The following PLCB1 variants were observed in gnomAD, a reference collection of about 807,000 sequenced individuals.
PLCB1 encodes 1-phosphatidylinositol 4,5-bisphosphate phosphodiesterase beta-1.
Under a neutral mutation model 161.8 loss-of-function variants are expected in PLCB1, and 46 were observed. The ratio of observed to expected loss-of-function variants is 0.28; its 90% CI spans 0.22 to 0.36. The LOEUF is 0.36. Among genes scored for constraint, PLCB1 ranks in the 10% least tolerant of loss-of-function variants. PLCB1 has a pLI of 1.00. For synonymous variants in PLCB1, 517 were observed against 503.7 expected (o/e 1.03, Z -0.35); for missense variants, 1,016 against 1,472.5 (o/e 0.69, Z 5.07).
chr20:8,819,169 C>A (rs1212544911), intron 31 of PLCB1, among the ~76,000 whole-genome samples: 1 of 152,114 alleles, frequency 6.6e-6, no homozygotes, highest in Non-Finnish European at 1.5e-5. Context: ...GGGATACTGG[C>A]AGCTTTAACA....
At chr20:8,670,748 G>C (rs1291442173) in intron 9 of PLCB1, among the ~76,000 whole-genome samples, 1 of 152,192 alleles carries the variant, frequency 6.6e-6, no homozygotes, top group Non-Finnish European at 1.5e-5. Flanking sequence ...GAAAGTTTGT[G>C]CCCGGGCAAA....
rs531663143 is a variant in PLCB1 at position 8,331,349 on chromosome 20, GT to G, written c.178-40018del. On this transcript the variant is annotated intron_variant, in intron 2 of 31. Coordinates refer to ENST00000338037, the MANE Select transcript of PLCB1 (RefSeq NM_015192.4). ...AAGAATGAGATTCAATACGTGTGAA[GT>G]TTTTTTTTTTTTTTCTATGTTCAAA... Among the ~76,000 whole-genome samples the G allele has an allele frequency of 3.2e-3, 463 of 144,414 alleles. 2 individuals carry two copies. The highest frequency in any genetic ancestry group is 6.5e-3 in the East Asian group (32 of 4,904). 94.7% of individuals were successfully genotyped at this position (144,414 alleles called of 152,430 possible).
chr20:8,501,864 CATAT>C (rs36226867), intron 3 of PLCB1, among the ~76,000 whole-genome samples: 324 of 104,156 alleles, frequency 3.1e-3, no homozygotes, highest in Non-Finnish European at 4.0e-3. Flanking sequence ...AGATATATCG[CATAT>C]ATATATATAT....
chr20:8,650,169 T>G (rs537376231), intron 7 of PLCB1, among the ~76,000 whole-genome samples: 1 of 152,160 alleles, frequency 6.6e-6, no homozygotes, highest in Non-Finnish European at 1.5e-5. Flanking sequence ...CCCTTCTTGA[T>G]GTTTTTTTTA....
chr20:8,231,342 C>T (rs969316905), intron 2 of PLCB1, among the ~76,000 whole-genome samples: 6 of 152,190 alleles, frequency 3.9e-5, no homozygotes, highest in Non-Finnish European at 8.8e-5. Flanking sequence ...AACCTCTACT[C>T]ACTGGATGTC....
At chr20:8,624,964 T>C (rs996578525) in intron 3 of PLCB1, among the ~76,000 whole-genome samples, 20 of 152,202 alleles carry the variant, frequency 1.3e-4, no homozygotes, top group Non-Finnish European at 1.0e-4. Context: ...TAAATCCTTC[T>C]CTGGAAACTT....
intron 3 of PLCB1, among the ~76,000 whole-genome samples, chr20:8,525,196 G>A (rs1377727224): frequency 6.6e-6 from 1 of 151,942 alleles, no homozygotes; most frequent in African/African-American, 2.4e-5. Context: ...TTGAAGGGCA[G>A]TGGATAGAGA....
At chr20:8,537,498 C>G (rs1472101730) in intron 3 of PLCB1, among the ~76,000 whole-genome samples, 2 of 151,898 alleles carry the variant, frequency 1.3e-5, no homozygotes, top group Non-Finnish European at 2.9e-5. Context: ...TGGCTGTGAC[C>G]AATTATTATT....
chr20:8,774,471 G>A, intron 26 of PLCB1, 68 bp from the exon 27 acceptor site: 1 of 1,413,918 alleles, frequency 7.1e-7, no homozygotes, highest in Admixed American at 2.1e-5. Context: ...AGGAATTCTG[G>A]TGAATAACCT....
At chr20:8,509,238 C>G (rs73894562) in intron 3 of PLCB1, among the ~76,000 whole-genome samples, 16 of 152,042 alleles carry the variant, frequency 1.1e-4, no homozygotes, top group East Asian at 3.9e-4. Context: ...AGTGACCCCC[C>G]ACAAGTTCCT....
intron 2 of PLCB1, among the ~76,000 whole-genome samples, chr20:8,226,765 G>A (rs1281770606): frequency 6.6e-6 from 1 of 150,860 alleles, no homozygotes. Context: ...TCGGCTCACT[G>A]CAACCTCCAC....
chr20:8,521,096 G>A (rs1270471636), intron 3 of PLCB1, among the ~76,000 whole-genome samples: 1 of 152,204 alleles, frequency 6.6e-6, no homozygotes, highest in East Asian at 1.9e-4. Context: ...AAAAAGAAAA[G>A]GCTAATTATA....
intron 14 of PLCB1, among the ~76,000 whole-genome samples, chr20:8,719,548 C>T (rs991250903): frequency 3.3e-5 from 5 of 152,100 alleles, no homozygotes; most frequent in African/African-American, 7.2e-5. Context: ...AAGTCAGGTA[C>T]ACAAAAACTA....
chr20:8,615,597 T>C (rs1374215694), intron 3 of PLCB1, among the ~76,000 whole-genome samples: 2 of 152,186 alleles, frequency 1.3e-5, no homozygotes, highest in Non-Finnish European at 2.9e-5. Context: ...ATGAACATAC[T>C]TTATTTGGCT....
rs781252045 is a variant in PLCB1 at position 8,757,112 on chromosome 20, G to A, written c.2590G>A (p.Val864Met). ...GAGAACGACTCCAGCAGAAAATGGG[G>A]TGAATCACACTACAACCCTGACACC... ...EARTTPAENG[V>M]NHTTTLTPKP... Residue 864 changes from valine to methionine, a missense_variant, in exon 24 of 32, where the codon GTG becomes ATG. Coordinates refer to ENST00000338037, the MANE Select transcript of PLCB1 (RefSeq NM_015192.4). The A allele has an allele frequency of 8.1e-6, 13 of 1,613,380 alleles. No homozygotes were observed. The African/African-American group carries it at 1.5e-4, about 18-fold the overall frequency.
At chr20:8,395,440 T>G (rs1228056925) in intron 3 of PLCB1, among the ~76,000 whole-genome samples, 1 of 152,040 alleles carries the variant, frequency 6.6e-6, no homozygotes, top group African/African-American at 2.4e-5. Context: ...GTCCTACACA[T>G]ATACCAAAGA....
intron 2 of PLCB1, among the ~76,000 whole-genome samples, chr20:8,204,025 T>G (rs1330286191): frequency 6.6e-6 from 1 of 152,136 alleles, no homozygotes; most frequent in African/African-American, 2.4e-5. Context: ...AACCAAATCC[T>G]TGCATCAGGA....
At chr20:8,490,586 A>T (rs577556995) in intron 3 of PLCB1, among the ~76,000 whole-genome samples, 5 of 152,356 alleles carry the variant, frequency 3.3e-5, no homozygotes, top group African/African-American at 1.2e-4. Context: ...CTGTCCCACT[A>T]GCAGTGTATG....
chr20:8,414,629 C>T (rs1308570573), intron 3 of PLCB1, among the ~76,000 whole-genome samples: 2 of 152,172 alleles, frequency 1.3e-5, no homozygotes, highest in Non-Finnish European at 2.9e-5. Flanking sequence ...GAGAACATTT[C>T]TCTGATGTTT....
Sources: gnomAD v4.1 joint callset for allele counts (sites outside exome capture counted in the v4.1 genomes callset) on GRCh38, gnomAD v4.1.1 for gene constraint, MANE v1.5 for transcripts, NCBI Gene and HGNC (gene_info 2026-07-23, HGNC 2026-07-21) for gene names.